C1QTNF3: variants seen among roughly 807,000 people sequenced by gnomAD.
C1QTNF3 encodes complement C1q tumor necrosis factor-related protein 3.
A neutral mutation model predicts 32.6 loss-of-function variants in C1QTNF3; 26 were observed. The ratio of observed to expected loss-of-function variants is 0.80; its 90% CI spans 0.58 to 1.11. C1QTNF3 has a LOEUF of 1.11. C1QTNF3 is among the 50% of genes least tolerant of loss of function. The pLI is 0.00. For missense variants in C1QTNF3, 362 were observed against 398.2 expected (o/e 0.91, Z 0.77); for synonymous variants, 155 against 146.0 (o/e 1.06, Z -0.44).
intron 5 of C1QTNF3, 75 bp from the exon 6 acceptor site, chr5:34,020,817 C>T (rs1579595394): frequency 2.1e-6 from 3 of 1,430,328 alleles, no homozygotes; most frequent in East Asian, 4.6e-5. Flanking sequence ...TCTGTGCTCC[C>T]CTTCTCTCCT....
chr5:34,127,970 A>G, the C1QTNF3 span, among the ~76,000 whole-genome samples: 1 of 152,168 alleles, frequency 6.6e-6, no homozygotes, highest in Admixed American at 6.5e-5. Context: ...CTCCAAGAAA[A>G]TGAGGAAAAA....
At chr5:34,158,194 C>T in the C1QTNF3 span, 1,989 of 152,060 alleles carry the variant, frequency 0.013, 24 homozygotes, top group South Asian at 0.031. Context: ...GCAACCTCCC[C>T]CTCCCGGGTT....
Position 34,042,846 on chromosome 5 carries a change from G to A in C1QTNF3, c.280C>T (p.Gln94Ter). ...LPHPEVDDLA[Q>*]ITTFWGQSPQ... ...ACCTGGCCCCAGAATGTGGTGATCT[G>A]GGCTAGGTCATCTACCTCGGGGTGC... The change falls in exon 1 of 6, where the codon CAG (glutamine) becomes TAG (stop). Residue 94 changes from glutamine to a stop codon, truncating the protein, a stop_gained. Coordinates refer to ENST00000382065, the MANE Select transcript of C1QTNF3 (RefSeq NM_181435.6). LOFTEE classifies it high-confidence loss of function. 6.2e-7 allele frequency: 1 copy of A among 1,614,080 alleles called. No individual in the cohort carries two copies. Among genetic ancestry groups the A allele is most frequent in the Non-Finnish European group, 8.5e-7 (1 of 1,179,972 alleles).
the C1QTNF3 span, among the ~76,000 whole-genome samples, chr5:34,221,851 G>A: frequency 6.6e-6 from 1 of 151,900 alleles, no homozygotes; most frequent in African/African-American, 2.4e-5. Context: ...GCAGAACTTG[G>A]CATGAGGACT....
At chr5:34,183,272 C>T in the C1QTNF3 span, among the ~76,000 whole-genome samples, 9 of 152,016 alleles carry the variant, frequency 5.9e-5, no homozygotes, top group African/African-American at 2.2e-4. Context: ...CCACCGTGCC[C>T]GGCCCTGAAC....
Position 34,018,300 on chromosome 5 carries a change from T to C in C1QTNF3, c.*2283A>G, listed in dbSNP as rs187493363. 1.0e-3 allele frequency among the ~76,000 whole-genome samples: 153 copies of C among 152,288 alleles called. No homozygotes were observed. Among genetic ancestry groups the C allele is most frequent in the African/African-American group, 3.5e-3 (147 of 41,574 alleles). ...TCAAACATACCAAAGCAAGAAATTG[T>C]CTCTGGCCATCAGATATTATCTTTT... On this transcript the variant is annotated 3_prime_UTR_variant, in exon 6 of 6. Transcript: ENST00000382065.
chr5:34,081,727 G>GT, the C1QTNF3 span, among the ~76,000 whole-genome samples: 1 of 151,402 alleles, frequency 6.6e-6, no homozygotes, highest in Non-Finnish European at 1.5e-5. Context: ...TAGTGAAGCA[G>GT]TTTTTCCGGA....
At chr5:34,100,294 T>A in the C1QTNF3 span, among the ~76,000 whole-genome samples, 2 of 151,874 alleles carry the variant, frequency 1.3e-5, no homozygotes, top group African/African-American at 2.4e-5. Context: ...AACGACCCAA[T>A]CACCTCTTAA....
chr5:34,177,924 T>A, the C1QTNF3 span, among the ~76,000 whole-genome samples: 6 of 152,122 alleles, frequency 3.9e-5, no homozygotes, highest in African/African-American at 1.4e-4. Flanking sequence ...CACCCAGCAC[T>A]GCAGAGGTTC....
the C1QTNF3 span, among the ~76,000 whole-genome samples, chr5:34,140,224 T>C: frequency 6.6e-6 from 1 of 152,216 alleles, no homozygotes; most frequent in Non-Finnish European, 1.5e-5. Context: ...AGAATCTTTA[T>C]TCTAGGATTG....
At chr5:34,128,611 G>A in the C1QTNF3 span, among the ~76,000 whole-genome samples, 1 of 152,192 alleles carries the variant, frequency 6.6e-6, no homozygotes, top group Non-Finnish European at 1.5e-5. Flanking sequence ...CTGGATGTGA[G>A]ACATGGAGTC....
At chr5:34,216,558 A>G in the C1QTNF3 span, among the ~76,000 whole-genome samples, 1 of 152,218 alleles carries the variant, frequency 6.6e-6, no homozygotes, top group Non-Finnish European at 1.5e-5. Flanking sequence ...GCTCCTCATA[A>G]TAAAGCCACA....
the C1QTNF3 span, among the ~76,000 whole-genome samples, chr5:34,213,154 T>A: frequency 6.6e-6 from 1 of 152,192 alleles, no homozygotes; most frequent in Non-Finnish European, 1.5e-5. Flanking sequence ...ATCTTTTATA[T>A]AATCATGTGC....
At chr5:34,052,244 A>G in the C1QTNF3 span, among the ~76,000 whole-genome samples, 2 of 152,248 alleles carry the variant, frequency 1.3e-5, no homozygotes, top group African/African-American at 4.8e-5. Flanking sequence ...CCCACTCGAT[A>G]GACATCCTTA....
the C1QTNF3 span, among the ~76,000 whole-genome samples, chr5:34,125,129 C>T: frequency 6.6e-6 from 1 of 152,164 alleles, no homozygotes; most frequent in African/African-American, 2.4e-5. Flanking sequence ...CTATCTTCAT[C>T]AGCAAAATGA....
At chr5:34,221,995 G>A in the C1QTNF3 span, among the ~76,000 whole-genome samples, 2 of 151,958 alleles carry the variant, frequency 1.3e-5, no homozygotes, top group African/African-American at 2.4e-5. Context: ...GAATGAGAGG[G>A]TCCAAGCTGT....
At chr5:34,140,569 T>A in the C1QTNF3 span, among the ~76,000 whole-genome samples, 3 of 152,242 alleles carry the variant, frequency 2.0e-5, no homozygotes, top group East Asian at 5.8e-4. Context: ...TAGGTGGTTA[T>A]GTTTGTTGGT....
At chr5:34,061,637 T>C in the C1QTNF3 span, among the ~76,000 whole-genome samples, 1 of 152,236 alleles carries the variant, frequency 6.6e-6, no homozygotes, top group African/African-American at 2.4e-5. Flanking sequence ...TTTTGAGGCT[T>C]GCACCCTCTG....
At chr5:34,093,788 C>G in the C1QTNF3 span, among the ~76,000 whole-genome samples, 1 of 152,088 alleles carries the variant, frequency 6.6e-6, no homozygotes, top group African/African-American at 2.4e-5. Flanking sequence ...TGCATACTCA[C>G]AAACCAATCA....
Sources: allele counts gnomAD v4.1 joint callset (sites outside exome capture counted in the v4.1 genomes callset), GRCh38; gene constraint gnomAD v4.1.1; transcripts MANE v1.5; gene names NCBI Gene and HGNC (gene_info 2026-07-23, HGNC 2026-07-21).